SYNJ2: variants seen among roughly 807,000 people sequenced by gnomAD.
The protein encoded by SYNJ2 is synaptojanin 2.
SYNJ2 carries 116 observed loss-of-function variants against 141.3 expected under a neutral mutation model. The ratio of observed to expected loss-of-function variants is 0.82; its 90% confidence interval spans 0.71 to 0.96. The LOEUF (loss-of-function observed/expected upper bound fraction) is 0.96, where lower values mean the gene tolerates loss of function less well. SYNJ2 is among the 40% of genes least tolerant of loss of function. SYNJ2 has a pLI of 0.00. For missense variants in SYNJ2, 1,873 were observed against 1,934.8 expected (o/e 0.97, Z 0.60); for synonymous variants, 745 against 777.7 (o/e 0.96, Z 0.70).
Position 158,071,660 on chromosome 6 carries a change from G to A in SYNJ2, c.1999G>A (p.Ala667Thr), listed in dbSNP as rs368394869. 1.7e-5 allele frequency: 28 copies of A among 1,614,002 alleles called. No homozygotes were observed. Among genetic ancestry groups the A allele is most frequent in the South Asian group, 3.3e-5 (3 of 91,094 alleles). The change falls in exon 15 of 27, where the codon GCC becomes ACC. Residue 667 changes from alanine to threonine, a missense_variant. Ala to Thr is a moderately conservative substitution (Grantham distance 58). Coordinates refer to ENST00000355585, the MANE Select transcript of SYNJ2 (RefSeq NM_003898.4). The surrounding 1 kb of genome is among the most constrained non-coding windows in gnomAD (Gnocchi z 4.3). Reference sequence around the variant, plus strand: ...GGGGGGCAAGGCGGGGAACAAGGGCGCCGTCGGCATCCGCTTCCAGTTCCA... The same window carrying A: ...GGGGGGCAAGGCGGGGAACAAGGGCACCGTCGGCATCCGCTTCCAGTTCCA... ...GMGGKAGNKG[A>T]VGIRFQFHST...
chr6:158,035,012 G>T (rs1251928376), intron 4 of SYNJ2, among the ~76,000 whole-genome samples: 2 of 152,090 alleles, frequency 1.3e-5, no homozygotes, highest in Non-Finnish European at 2.9e-5. Context: ...CTTATTTCTG[G>T]GTTGTCTATT....
Position 158,027,701 on chromosome 6 carries a change from G to A in SYNJ2, c.215-1055G>A, listed in dbSNP as rs898502307. The A allele has an allele frequency of 6.6e-6, 1 of 152,364 alleles. No individual in the cohort carries two copies. The highest frequency in any genetic ancestry group is 1.5e-5 in the Non-Finnish European group (1 of 68,180). The allele number at this position is 152,364 out of a possible 1,614,324, so 9.4% of individuals were successfully genotyped here. A position where few individuals can be genotyped will look rare whatever the true frequency, so the allele number is the denominator to read the frequency against. Reference sequence around the variant, plus strand: ...TCCCCTGGGGGCACAGGTGGGGAGGGAGGTCATGAGCTTTGTGTGTGTGAC... The same window carrying A: ...TCCCCTGGGGGCACAGGTGGGGAGGAAGGTCATGAGCTTTGTGTGTGTGAC... On this transcript the variant is annotated intron_variant, in intron 2 of 26. Coordinates refer to ENST00000355585, the MANE Select transcript of SYNJ2 (RefSeq NM_003898.4). The surrounding 1 kb of genome is among the most constrained non-coding windows in gnomAD (Gnocchi z 4.6).
chr6:158,001,371 T>A (rs1777847629), intron 1 of SYNJ2: 1 of 150,806 alleles, frequency 6.6e-6, no homozygotes, highest in African/African-American at 2.4e-5. Flanking sequence ...ACTGGGAAAA[T>A]GAAGGTAACT....
intron 2 of SYNJ2, among the ~76,000 whole-genome samples, chr6:158,018,176 A>T (rs562054855): frequency 9.2e-5 from 14 of 152,174 alleles, no homozygotes; most frequent in Non-Finnish European, 5.9e-5. Flanking sequence ...TCACTCTGAG[A>T]GACTCGGGGG....
Position 158,043,312 on chromosome 6 carries a change from G to T in SYNJ2, c.712-4G>T, listed in dbSNP as rs368232595. 2 of 1,613,224 alleles carry T rather than the reference G, an allele frequency of 1.2e-6. No individual in the cohort carries two copies. Among genetic ancestry groups the T allele is most frequent in the Non-Finnish European group, 8.5e-7 (1 of 1,179,230 alleles). On this transcript the variant is annotated splice_polypyrimidine_tract_variant and splice_region_variant and intron_variant, in intron 4 of 26. Transcript: ENST00000355585. This position sits in a 1 kb window ranked among gnomAD's most constrained non-coding sequence, Gnocchi z 4.0. ...CTTTCCCTTTCTGTTTCCTTGTGCC[G>T]CAGATGATTTACATGGACGATGGAG...
intron 1 of SYNJ2, among the ~76,000 whole-genome samples, chr6:157,997,521 C>T (rs980929933): frequency 6.6e-6 from 1 of 152,088 alleles, no homozygotes; most frequent in South Asian, 2.1e-4. Flanking sequence ...CCTGGGCTAC[C>T]GGAAGCTGGG....
Position 158,069,591 on chromosome 6 carries a change from A to G in SYNJ2, c.1858A>G (p.Arg620Gly), listed in dbSNP as rs771170700. 1.2e-6 allele frequency: 2 copies of G among 1,614,126 alleles called. No individual in the cohort carries two copies. Among genetic ancestry groups the G allele is most frequent in the Non-Finnish European group, 1.7e-6 (2 of 1,179,990 alleles). The change falls in exon 14 of 27, where the codon AGA becomes GGA. Residue 620 changes from arginine (R) to glycine (G), a missense_variant. By Grantham distance (125) the Arg-to-Gly change is moderately radical. Coordinates refer to ENST00000355585, the MANE Select transcript of SYNJ2 (RefSeq NM_003898.4). ...TCAGAAAGCCATCTCACGCTCTCAT[A>G]GATACATTCTGTTGACTTCGGCACA... ...QLQKAISRSH[R>G]YILLTSAQLV...
chr6:158,019,630 C>T (rs1778654495), intron 2 of SYNJ2, among the ~76,000 whole-genome samples: 1 of 151,810 alleles, frequency 6.6e-6, no homozygotes, highest in Non-Finnish European at 1.5e-5. Context: ...CACCCCACAC[C>T]CCACAGAAGG....
Position 158,096,450 on chromosome 6 carries a change from A to G in SYNJ2, c.*86A>G. On this transcript the variant is annotated 3_prime_UTR_variant, in exon 27 of 27. Coordinates refer to ENST00000355585, the MANE Select transcript of SYNJ2 (RefSeq NM_003898.4). ...CTCCACCAGAAGAGACATCTATTTA[A>G]AGGCACACTGGCCAAAACGTTTGTG... The G allele has an allele frequency of 6.9e-7, 1 of 1,456,742 alleles. No homozygotes were observed. The allele number at this position is 1,456,742 out of a possible 1,614,324, so 90.2% of individuals were successfully genotyped here.
intron 1 of SYNJ2, among the ~76,000 whole-genome samples, chr6:158,008,585 G>T (rs1188125642): frequency 6.6e-6 from 1 of 152,226 alleles, no homozygotes; most frequent in African/African-American, 2.4e-5. Flanking sequence ...CTGGGCGTGG[G>T]CTGGGAGAAG....
At chr6:158,078,302 G>A (rs1782453075) in intron 18 of SYNJ2, 21 bp downstream of exon 18, 1 of 1,551,136 alleles carries the variant, frequency 6.4e-7, no homozygotes, top group Non-Finnish European at 8.9e-7. Flanking sequence ...GACTTCCATG[G>A]CGTTTTCTCC....
chr6:158,098,777 A>T lies in SYNJ2; in HGVS notation c.*2413A>T, dbSNP rs1333267062. On this transcript the variant is annotated 3_prime_UTR_variant, in exon 27 of 27. Transcript: ENST00000355585. The stretch of plus-strand genomic sequence containing the variant: ...TTCCTGCTGTTCTCTAACATGGTGC[A>T]GTTCACGCAGACTGGTTTAGGTACT... 6.6e-6 allele frequency: 1 copy of T among 152,034 alleles called. No homozygotes were observed. Among genetic ancestry groups the T allele is most frequent in the Non-Finnish European group, 1.5e-5 (1 of 68,054 alleles). The allele number at this position is 152,034 out of a possible 1,614,324, so 9.4% of individuals were successfully genotyped here.
intron 2 of SYNJ2, among the ~76,000 whole-genome samples, chr6:158,026,107 A>T (rs1583343748): frequency 1.3e-5 from 2 of 152,360 alleles, no homozygotes; most frequent in Non-Finnish European, 1.5e-5. Context: ...TTTGGCTCCA[A>T]CACAGACTAG....
chr6:158,073,329 T>C (rs9356348), intron 15 of SYNJ2, among the ~76,000 whole-genome samples: 107,256 of 151,326 alleles, frequency 0.71, 38,255 homozygotes, highest in East Asian at 0.88. Context: ...TCCTGAGTAA[T>C]TGGGATTACA....
At chr6:158,069,960 G>C (rs530498526) in intron 14 of SYNJ2, among the ~76,000 whole-genome samples, 3 of 152,176 alleles carry the variant, frequency 2.0e-5, no homozygotes, top group Non-Finnish European at 4.4e-5. Flanking sequence ...CAAGGAAAAG[G>C]GTTCCTTGTT....
chr6:158,087,827 GAA>G (rs1783156687), intron 23 of SYNJ2, among the ~76,000 whole-genome samples: 1 of 145,930 alleles, frequency 6.9e-6, no homozygotes, highest in Non-Finnish European at 1.5e-5. Flanking sequence ...CGTAGTTGTT[GAA>G]AAAAGTCTTC....
At chr6:158,082,487 CAAAAAAAAAA>C (rs769884420) in intron 20 of SYNJ2, among the ~76,000 whole-genome samples, 4 of 75,298 alleles carry the variant, frequency 5.3e-5, no homozygotes, top group South Asian at 4.6e-4. Flanking sequence ...ACTCTGTCTC[CAAAAAAAAAA>C]AAAAAAAAAA....
chr6:158,016,982 G>A (rs935112821), intron 1 of SYNJ2: 7 of 1,237,592 alleles, frequency 5.7e-6, no homozygotes, highest in African/African-American at 4.6e-5. Context: ...GAAGCTGTCA[G>A]CACTTCCAGA....
intron 21 of SYNJ2, among the ~76,000 whole-genome samples, 174 bp from the exon 22 acceptor site, chr6:158,083,827 G>T (rs1051863466): frequency 2.0e-5 from 3 of 152,180 alleles, no homozygotes; most frequent in Admixed American, 1.3e-4. Context: ...GAGGATATCA[G>T]GGCTGTGGGT....
Sources: allele counts gnomAD v4.1 joint callset (sites outside exome capture counted in the v4.1 genomes callset), GRCh38; gene constraint gnomAD v4.1.1; non-coding constraint Gnocchi (gnomAD v3.1); transcripts MANE v1.5; gene names NCBI Gene and HGNC (gene_info 2026-07-23, HGNC 2026-07-21).